The following VPS13D variants were observed in gnomAD, a reference collection of about 807,000 sequenced individuals.
The protein encoded by VPS13D is vacuolar protein sorting 13 homolog D.
Under a neutral mutation model 461.9 loss-of-function variants are expected in VPS13D, and 187 were observed. The ratio of observed to expected loss-of-function variants is 0.40; its 90% CI spans 0.36 to 0.46. The LOEUF is 0.46. Ranked by LOEUF, VPS13D falls within the 20% of genes least tolerant of loss-of-function variation. VPS13D has a pLI of 0.60. For missense variants in VPS13D, 4,711 were observed against 5,364.9 expected, an observed-to-expected ratio of 0.88 and a Z score of 3.81; for synonymous variants, 1,951 against 1,986.3, an observed-to-expected ratio of 0.98 and a Z score of 0.47.
intron 46 of VPS13D, 60 bp downstream of exon 46, chr1:12,349,434 C>T (rs760924145): frequency 3.7e-4 from 538 of 1,462,266 alleles, no homozygotes; most frequent in Non-Finnish European, 4.7e-4. Flanking sequence ...TTTGGAATGA[C>T]TATTACCATT....
chr1:12,397,696 A>G (rs748796696), intron 60 of VPS13D, among the ~76,000 whole-genome samples: 1 of 152,236 alleles, frequency 6.6e-6, no homozygotes, highest in Admixed American at 6.5e-5. Context: ...CAAATGAATA[A>G]TGACATTCTG....
At position 12,346,690 on chromosome 1, in the gene VPS13D, G is replaced by A. The variant is rs371203146; in HGVS notation, c.9069+38G>A. ...TTCCTGTTGTCATTGTGTTTATTGCGTATATACACTGCACCTGAATCATGT... is the reference window on the plus strand; with the variant it reads ...TTCCTGTTGTCATTGTGTTTATTGCATATATACACTGCACCTGAATCATGT... On this transcript the variant is annotated intron_variant, in intron 44 of 69. Coordinates refer to ENST00000620676, the MANE Select transcript of VPS13D (RefSeq NM_015378.4). The A allele has an allele frequency of 2.2e-4, 346 of 1,555,304 alleles. 1 individual carries two copies. The highest frequency in any genetic ancestry group is 9.7e-4 in the South Asian group (85 of 87,650).
chr1:12,341,446 C>T (rs1279172028), intron 40 of VPS13D, among the ~76,000 whole-genome samples: 1 of 151,966 alleles, frequency 6.6e-6, no homozygotes, highest in African/African-American at 2.4e-5. Context: ...TTTAGGTTAC[C>T]CACTTAGAAT....
At chr1:12,322,803 A>G in intron 34 of VPS13D, 57 bp downstream of exon 34, 1 of 1,522,166 alleles carries the variant, frequency 6.6e-7, no homozygotes, top group Non-Finnish European at 9.0e-7. Flanking sequence ...CTTCTTTTTG[A>G]CTCTTAAAAT....
intron 37 of VPS13D, among the ~76,000 whole-genome samples, chr1:12,332,755 G>A (rs1643362088): frequency 6.6e-6 from 1 of 152,140 alleles, no homozygotes; most frequent in Non-Finnish European, 1.5e-5. Flanking sequence ...TGTTTATATA[G>A]TTTTTGTGCA....
At position 12,497,196 on chromosome 1, in the gene VPS13D, G is replaced by A. The variant is rs143969792; in HGVS notation, c.12663-304G>A. 1.0e-3 allele frequency: 195 copies of A among 191,708 alleles called. 5 individuals carry two copies. The East Asian group carries it at 0.027, about 26-fold the overall frequency. The allele number at this position is 191,708 out of a possible 1,614,324, so 11.9% of individuals were successfully genotyped here. On this transcript the variant is annotated intron_variant, in intron 67 of 69. Transcript: ENST00000620676. ...GGCACTGTTTTATTTGGTCTTCACA[G>A]CAGTCCTCTAAGGTAGGTGTCATCG...
At chr1:12,427,842 G>A (rs181136350) in intron 65 of VPS13D, among the ~76,000 whole-genome samples, 9 of 152,284 alleles carry the variant, frequency 5.9e-5, no homozygotes, top group Non-Finnish European at 1.2e-4. Context: ...TGCCAGTGTT[G>A]TCTGTGAGCC....
At chr1:12,322,379 T>C (rs1643064000) in intron 33 of VPS13D, among the ~76,000 whole-genome samples, 157 bp from the exon 34 acceptor site, 1 of 152,224 alleles carries the variant, frequency 6.6e-6, no homozygotes, top group Non-Finnish European at 1.5e-5. Context: ...CGGTTATTAG[T>C]GCTTACTTTC....
rs1290999650 is a variant in VPS13D at position 12,369,451 on chromosome 1, T to G, written c.10573-16T>G. The G allele has an allele frequency of 4.3e-6, 7 of 1,613,002 alleles. No homozygotes were observed. Among genetic ancestry groups the G allele is most frequent in the African/African-American group, 1.3e-5 (1 of 74,888 alleles). ...CTGAATGAAAGTCCTCTTTGTCCTC[T>G]CTGCCATCACTCTAGGTCCCGGTTG... On this transcript the variant is annotated splice_polypyrimidine_tract_variant and intron_variant, in intron 53 of 69. Transcript: ENST00000620676.
In VPS13D at chr1:12,271,094, T is replaced by A. The variant is rs1641427257; in HGVS notation, c.2073T>A (p.Thr691=). ...AGACCAAGGCAGAAATCCGGCAAAC[T>A]CTTGATCGTTTGCTAGTGGGTGATT... ...KMQTKAEIRQ[T]LDRLLVGDFI... The change falls in exon 17 of 70, where the codon ACT becomes ACA. Residue 691 remains threonine (T), a synonymous_variant. Transcript: ENST00000620676. The A allele has an allele frequency of 6.2e-7, 1 of 1,613,846 alleles. No homozygotes were observed. Among genetic ancestry groups the A allele is most frequent in the African/African-American group, 1.3e-5 (1 of 74,850 alleles).
At position 12,509,150 on chromosome 1, in the gene VPS13D, G is replaced by A. The variant is rs1425843335; in HGVS notation, c.*126G>A. The A allele has an allele frequency of 1.8e-5, 22 of 1,193,976 alleles. No individual in the cohort carries two copies. The highest frequency in any genetic ancestry group is 3.1e-5 in the African/African-American group (2 of 64,824). The allele number at this position is 1,193,976 out of a possible 1,614,324, so 74.0% of individuals were successfully genotyped here. ...TTTGGGGAAGTTGTCAAGGAATGAG[G>A]GAAAGTAAATCCTCATGAGGAAAAG... On this transcript the variant is annotated 3_prime_UTR_variant, in exon 70 of 70. Transcript: ENST00000620676.
At chr1:12,352,022 G>A (rs966012641) in intron 46 of VPS13D, among the ~76,000 whole-genome samples, 1 of 150,850 alleles carries the variant, frequency 6.6e-6, no homozygotes, top group Admixed American at 6.7e-5. Flanking sequence ...AAGTGCAGTG[G>A]CTCACGGCTA....
intron 2 of VPS13D, among the ~76,000 whole-genome samples, chr1:12,235,427 T>C (rs1640116678): frequency 6.6e-6 from 1 of 151,846 alleles, no homozygotes; most frequent in Non-Finnish European, 1.5e-5. Flanking sequence ...AATACAAAAA[T>C]TAGCTGGGTG....
chr1:12,491,975 G>C (rs927188808), intron 67 of VPS13D, among the ~76,000 whole-genome samples: 2 of 152,228 alleles, frequency 1.3e-5, no homozygotes, highest in African/African-American at 4.8e-5. Flanking sequence ...CATGTGCGCT[G>C]AACAGACTCC....
At chr1:12,472,436 G>A (rs1645575483) in intron 67 of VPS13D, among the ~76,000 whole-genome samples, 1 of 152,166 alleles carries the variant, frequency 6.6e-6, no homozygotes, top group African/African-American at 2.4e-5. Flanking sequence ...AGGCCTATCT[G>A]TTTCTCCTTT....
intron 65 of VPS13D, among the ~76,000 whole-genome samples, chr1:12,443,481 A>G (rs1645154287): frequency 6.6e-6 from 1 of 152,184 alleles, no homozygotes; most frequent in East Asian, 1.9e-4. Context: ...TCTCTCCATT[A>G]TGGGAGTTAC....
rs546054108 is a variant in VPS13D, at chr1:12,244,503, T to C, written c.367-34T>C. On this transcript the variant is annotated intron_variant, in intron 4 of 69. Coordinates refer to ENST00000620676, the MANE Select transcript of VPS13D (RefSeq NM_015378.4). Reference sequence around the variant, plus strand: ...ACACGTGTAAGATGAGCAAGAACACTAGATTGAGCTAATGCTGACTCTTGT... The same window carrying C: ...ACACGTGTAAGATGAGCAAGAACACCAGATTGAGCTAATGCTGACTCTTGT... 6.8e-6 allele frequency: 11 copies of C among 1,613,774 alleles called. No homozygotes were observed. The East Asian group carries it at 2.0e-4, about 29-fold the overall frequency.
chr1:12,305,840 T>A (rs1642546512), intron 26 of VPS13D, among the ~76,000 whole-genome samples: 2 of 152,178 alleles, frequency 1.3e-5, no homozygotes, highest in Admixed American at 1.3e-4. Flanking sequence ...TTAATTGTGT[T>A]GATCATTTAA....
At chr1:12,362,245 C>T (rs1409120516) in intron 50 of VPS13D, among the ~76,000 whole-genome samples, 1 of 152,202 alleles carries the variant, frequency 6.6e-6, no homozygotes, top group African/African-American at 2.4e-5. Flanking sequence ...GGAGAAGAGT[C>T]AGTAAAGTTT....
Sources: gnomAD v4.1 joint callset for allele counts (sites outside exome capture counted in the v4.1 genomes callset) on GRCh38, gnomAD v4.1.1 for gene constraint, MANE v1.5 for transcripts, NCBI Gene and HGNC (gene_info 2026-07-23, HGNC 2026-07-21) for gene names.